Variants in SLC35F1 observed in about 807,000 individuals in gnomAD.
The protein encoded by SLC35F1 is chromosome 6 open reading frame 169.
In SLC35F1, 14 loss-of-function variants were observed where a neutral mutation model predicts 48.7. The ratio of observed to expected loss-of-function variants is 0.29; its 90% CI spans 0.19 to 0.45. The LOEUF (loss-of-function observed/expected upper bound fraction) is 0.45, where lower values mean the gene tolerates loss of function less well. SLC35F1 is among the 20% of genes least tolerant of loss of function. SLC35F1 has a pLI of 1.00. For missense variants in SLC35F1, 404 were observed against 500.0 expected (o/e 0.81, Z 1.83); for synonymous variants, 190 against 202.2 (o/e 0.94, Z 0.51).
chr6:118,256,960 T>C (rs1562341427), intron 3 of SLC35F1, among the ~76,000 whole-genome samples: 2 of 152,320 alleles, frequency 1.3e-5, no homozygotes, highest in East Asian at 3.9e-4. Context: ...TCTAATTTTC[T>C]CCATCCAGAA....
intron 1 of SLC35F1, among the ~76,000 whole-genome samples, chr6:117,971,248 A>C (rs990326860): frequency 9.9e-5 from 15 of 152,160 alleles, no homozygotes; most frequent in Non-Finnish European, 1.5e-4. Context: ...TTCCAAAATA[A>C]TCTCATTTGA....
intron 1 of SLC35F1, among the ~76,000 whole-genome samples, chr6:118,009,722 G>A (rs548464501): frequency 1.9e-4 from 29 of 152,114 alleles, no homozygotes; most frequent in Middle Eastern, 3.4e-3. Flanking sequence ...TTGTAATTAT[G>A]CACTCAGTAA....
At chr6:117,991,963 AT>A (rs1776924864) in intron 1 of SLC35F1, among the ~76,000 whole-genome samples, 1 of 152,028 alleles carries the variant, frequency 6.6e-6, no homozygotes, top group Admixed American at 6.6e-5. Flanking sequence ...CAAATAATTT[AT>A]TTTTGTTGGG....
chr6:118,104,311 A>G (rs920021431), intron 1 of SLC35F1, among the ~76,000 whole-genome samples: 4 of 152,186 alleles, frequency 2.6e-5, no homozygotes, highest in Non-Finnish European at 5.9e-5. Flanking sequence ...GAACAGGGCC[A>G]AATCTTGGCT....
chr6:118,278,234 CAGA>C (rs1218184150), intron 6 of SLC35F1, among the ~76,000 whole-genome samples: 1 of 152,194 alleles, frequency 6.6e-6, no homozygotes, highest in Non-Finnish European at 1.5e-5. Context: ...TTGCTACCCT[CAGA>C]AGGTGTCTCC....
chr6:117,972,767 G>C (rs1776659428), intron 1 of SLC35F1, among the ~76,000 whole-genome samples: 1 of 152,126 alleles, frequency 6.6e-6, no homozygotes, highest in Admixed American at 6.5e-5. Flanking sequence ...GACATGTGAG[G>C]ATTATGGAAA....
chr6:117,938,602 C>T (rs1270213727), intron 1 of SLC35F1, among the ~76,000 whole-genome samples: 1 of 152,206 alleles, frequency 6.6e-6, no homozygotes, highest in Non-Finnish European at 1.5e-5. Context: ...TGAGAAGCTT[C>T]AGCCTGCTCC....
At chr6:117,962,324 A>G (rs2114836073) in intron 1 of SLC35F1, among the ~76,000 whole-genome samples, 1 of 152,204 alleles carries the variant, frequency 6.6e-6, no homozygotes, top group Admixed American at 6.5e-5. Context: ...AAAAAACAAA[A>G]CTTGAGGTGT....
At chr6:117,935,444 C>G (rs1221084735) in intron 1 of SLC35F1, among the ~76,000 whole-genome samples, 5 of 152,166 alleles carry the variant, frequency 3.3e-5, no homozygotes, top group Non-Finnish European at 7.3e-5. Context: ...TTAATACAAA[C>G]CTTTTTAAAA....
At chr6:118,000,552 C>A (rs1481233896) in intron 1 of SLC35F1, among the ~76,000 whole-genome samples, 2 of 152,094 alleles carry the variant, frequency 1.3e-5, no homozygotes, top group East Asian at 3.9e-4. Flanking sequence ...ACAGGGATTC[C>A]CTCTCTCACC....
At chr6:118,091,382 A>G (rs1773070733) in intron 1 of SLC35F1, among the ~76,000 whole-genome samples, 1 of 152,148 alleles carries the variant, frequency 6.6e-6, no homozygotes, top group Non-Finnish European at 1.5e-5. Flanking sequence ...GGTTTTTCCC[A>G]TGCTGTTCTT....
chr6:118,056,871 G>T (rs1056594221), intron 1 of SLC35F1, among the ~76,000 whole-genome samples: 1 of 152,054 alleles, frequency 6.6e-6, no homozygotes, highest in Non-Finnish European at 1.5e-5. Context: ...AAACAAAAAG[G>T]TTAAGAATGA....
intron 1 of SLC35F1, among the ~76,000 whole-genome samples, chr6:117,914,744 A>T (rs1278336956): frequency 1.3e-5 from 2 of 152,198 alleles, no homozygotes; most frequent in African/African-American, 4.8e-5. Flanking sequence ...TTTCAAGCTG[A>T]TCTGACAAAA....
At chr6:118,082,239 G>T (rs186417963) in intron 1 of SLC35F1, among the ~76,000 whole-genome samples, 1 of 152,254 alleles carries the variant, frequency 6.6e-6, no homozygotes, top group East Asian at 1.9e-4. Flanking sequence ...TCAGTCCCAG[G>T]TGAAACACTG....
chr6:118,225,875 CAA>C (rs376054711), intron 2 of SLC35F1, among the ~76,000 whole-genome samples: 2 of 131,190 alleles, frequency 1.5e-5, no homozygotes, highest in African/African-American at 5.8e-5. Flanking sequence ...GACTTTGTCT[CAA>C]AAAAAAAAAA....
chr6:118,155,513 G>A (rs1308774289), intron 2 of SLC35F1, among the ~76,000 whole-genome samples: 1 of 152,148 alleles, frequency 6.6e-6, no homozygotes, highest in Admixed American at 6.5e-5. Context: ...TCTGCCATGT[G>A]AGGATGCCGC....
At chr6:117,980,260 T>C (rs1413800093) in intron 1 of SLC35F1, among the ~76,000 whole-genome samples, 1 of 152,172 alleles carries the variant, frequency 6.6e-6, no homozygotes, top group Non-Finnish European at 1.5e-5. Flanking sequence ...CCAAAACCTC[T>C]GCTAAATCTG....
intron 1 of SLC35F1, among the ~76,000 whole-genome samples, chr6:117,931,490 A>T (rs1776101422): frequency 6.6e-6 from 1 of 152,210 alleles, no homozygotes; most frequent in Non-Finnish European, 1.5e-5. Context: ...CTCATGTTTG[A>T]CTAGTGAATT....
chr6:118,178,704 C>A (rs185926651), intron 2 of SLC35F1, among the ~76,000 whole-genome samples: 1,531 of 152,138 alleles, frequency 0.01, 15 homozygotes, highest in Admixed American at 0.014. Flanking sequence ...GAAACCCAGA[C>A]AGCCAGATGA....
Sources: allele counts gnomAD v4.1 joint callset (sites outside exome capture counted in the v4.1 genomes callset), GRCh38; gene constraint gnomAD v4.1.1; transcripts MANE v1.5; gene names NCBI Gene and HGNC (gene_info 2026-07-23, HGNC 2026-07-21).